ZNF76: variants seen among roughly 807,000 people sequenced by gnomAD.
ZNF76 encodes the protein zinc finger protein 76.
In ZNF76, 66 loss-of-function variants were observed where a neutral mutation model predicts 66.9. That is an observed-to-expected ratio of 0.99 (90% CI 0.81 to 1.21). ZNF76 has a LOEUF of 1.21. Among genes scored for constraint, ZNF76 ranks in the 50% most tolerant of loss-of-function variants. The pLI, the probability that ZNF76 is intolerant of heterozygous loss-of-function variation, is 0.00. For synonymous variants in ZNF76, 275 were observed against 296.1 expected (o/e 0.93, Z 0.73); for missense variants, 729 against 760.3 (o/e 0.96, Z 0.48).
chr6:35,281,859 C>G (rs111744587), intron 2 of ZNF76, among the ~76,000 whole-genome samples: 1,935 of 151,620 alleles, frequency 0.013, 14 homozygotes, highest in African/African-American at 0.022. Flanking sequence ...TCACTGAAAC[C>G]CAGGAGTTTG....
intron 5 of ZNF76, 157 bp from the exon 6 acceptor site, chr6:35,290,109 G>A: frequency 1.1e-6 from 1 of 947,610 alleles, no homozygotes; most frequent in Non-Finnish European, 1.6e-6. Context: ...GCATGCCCCA[G>A]CATCTGTTCC....
At chr6:35,275,299 A>G (rs1787721325) in intron 1 of ZNF76, among the ~76,000 whole-genome samples, 1 of 151,938 alleles carries the variant, frequency 6.6e-6, no homozygotes, top group East Asian at 1.9e-4. Context: ...AGCTCAGGTC[A>G]TTGCAGAGCT....
chr6:35,272,509 G>GTGTGTGTA (rs1357691368), intron 1 of ZNF76, among the ~76,000 whole-genome samples: 20 of 112,378 alleles, frequency 1.8e-4, no homozygotes, highest in African/African-American at 5.8e-4. Context: ...GTGTGTGTGT[G>GTGTGTGTA]TGTATGTATA....
Position 35,290,331 on chromosome 6 carries a change from C to G in ZNF76, c.498C>G (p.Arg166=). The stretch of plus-strand genomic sequence containing the variant: ...AGCAAGTTGGAGACAGAGCATTCCG[C>G]TGTGGCTACAAGGGCTGTGGGCGTC... ...KGQQVGDRAF[R]CGYKGCGRLY... The change falls in exon 6 of 14, where the codon CGC becomes CGG. Residue 166 remains arginine (R), a synonymous_variant. Transcript: ENST00000373953. 6.2e-7 allele frequency: 1 copy of G among 1,614,220 alleles called. No individual in the cohort carries two copies. The highest frequency in any genetic ancestry group is 8.5e-7 in the Non-Finnish European group (1 of 1,180,042).
At position 35,295,153 on chromosome 6, in the gene ZNF76, C is replaced by T. The variant is rs1791018660; in HGVS notation, c.1618C>T (p.Gln540Ter). Residue 540 changes from glutamine to a stop codon, truncating the protein, a stop_gained, in exon 14 of 14, where the codon CAG (glutamine) becomes TAG (stop). Transcript: ENST00000373953. LOFTEE classifies it high-confidence loss of function. Reference protein sequence around the residue: ...GTHIAVQLEEQQTLEEAINVA... With the variant: ...GTHIAVQLEE ...ACCCCCTTCCCCACAGCTGGAGGAA[C>T]AGCAGACCTTAGAGGAGGCCATCAA... 1.9e-6 allele frequency: 3 copies of T among 1,611,704 alleles called. No homozygotes were observed. The highest frequency in any genetic ancestry group is 2.5e-6 in the Non-Finnish European group (3 of 1,178,956).
intron 1 of ZNF76, among the ~76,000 whole-genome samples, chr6:35,268,241 A>G (rs1424335816): frequency 6.6e-6 from 1 of 152,232 alleles, no homozygotes; most frequent in African/African-American, 2.4e-5. Context: ...GTGTTAAGGA[A>G]AACACACTCC....
chr6:35,263,970 C>CT (rs1337643189), intron 1 of ZNF76, among the ~76,000 whole-genome samples: 2 of 152,164 alleles, frequency 1.3e-5, no homozygotes, highest in Admixed American at 6.5e-5. Flanking sequence ...AGACTGATCT[C>CT]TAACTCCTGA....
intron 2 of ZNF76, 38 bp from the exon 3 acceptor site, chr6:35,286,090 G>C: frequency 1.9e-6 from 3 of 1,599,920 alleles, no homozygotes; most frequent in South Asian, 2.2e-5. Context: ...GCCCTCTTCT[G>C]GTCCTGGCCC....
At chr6:35,288,824 T>C (rs1374207039) in intron 5 of ZNF76, among the ~76,000 whole-genome samples, 1 of 151,936 alleles carries the variant, frequency 6.6e-6, no homozygotes, top group Non-Finnish European at 1.5e-5. Flanking sequence ...TAGCTGGGCA[T>C]GGTGGTGCGC....
chr6:35,282,671 C>T lies in ZNF76; in HGVS notation c.73+1447C>T, dbSNP rs532641135. 2.0e-5 allele frequency among the ~76,000 whole-genome samples: 3 copies of T among 152,360 alleles called. 1 individual carries two copies. Among genetic ancestry groups the T allele is most frequent in the South Asian group, 4.1e-4 (2 of 4,826 alleles). On this transcript the variant is annotated intron_variant, in intron 2 of 13. Coordinates refer to ENST00000373953, the MANE Select transcript of ZNF76 (RefSeq NM_003427.5). Reference sequence around the variant, plus strand: ...TGATTGTCACTGTCCTCCTGAAGCACTGTCATTGCAACATTGCCCTCCTTT... The same window carrying T: ...TGATTGTCACTGTCCTCCTGAAGCATTGTCATTGCAACATTGCCCTCCTTT...
intron 4 of ZNF76, 70 bp downstream of exon 4, chr6:35,286,469 G>A: frequency 6.9e-7 from 1 of 1,445,238 alleles, no homozygotes; most frequent in South Asian, 1.1e-5. Flanking sequence ...GGCAGGACTG[G>A]AGGATGGGAT....
chr6:35,276,506 A>G (rs1474758899), intron 1 of ZNF76, among the ~76,000 whole-genome samples: 4 of 152,096 alleles, frequency 2.6e-5, no homozygotes, highest in Non-Finnish European at 5.9e-5. Flanking sequence ...TATTATCCCC[A>G]TTTTCTCAGA....
chr6:35,286,271 C>G (rs1412568492), intron 3 of ZNF76, 51 bp from the exon 4 acceptor site: 1 of 1,612,862 alleles, frequency 6.2e-7, no homozygotes, highest in Admixed American at 1.7e-5. Flanking sequence ...ACCAAGGGAC[C>G]CCTCCATGGC....
chr6:35,262,244 A>G (rs1344120825), intron 1 of ZNF76, among the ~76,000 whole-genome samples: 2 of 94,374 alleles, frequency 2.1e-5, no homozygotes, highest in Non-Finnish European at 4.8e-5. Context: ...GAGTATAGGG[A>G]GGGCACCTCT....
chr6:35,293,193 C>T, intron 11 of ZNF76, 149 bp downstream of exon 11: 1 of 922,054 alleles, frequency 1.1e-6, no homozygotes, highest in South Asian at 1.7e-5. Flanking sequence ...GCTGAGGAGA[C>T]CACATCTTGC....
At chr6:35,285,846 G>A (rs1048433816) in intron 2 of ZNF76, among the ~76,000 whole-genome samples, 36 of 152,314 alleles carry the variant, frequency 2.4e-4, no homozygotes, top group African/African-American at 8.4e-4. Flanking sequence ...TTTCCACTTG[G>A]CTGGGCATGG....
chr6:35,294,365 C>T (rs1790874084), intron 12 of ZNF76, 91 bp from the exon 13 acceptor site: 11 of 895,060 alleles, frequency 1.2e-5, no homozygotes, highest in Non-Finnish European at 2.0e-5. Context: ...CTGGGTTGTT[C>T]CCAGCACCTT....
At chr6:35,273,254 C>G (rs1787399794) in intron 1 of ZNF76, among the ~76,000 whole-genome samples, 1 of 151,598 alleles carries the variant, frequency 6.6e-6, no homozygotes, top group Middle Eastern at 3.4e-3. Context: ...CTCACTGCCA[C>G]CTCCACCTCC....
At chr6:35,288,869 G>A (rs1321812812) in intron 5 of ZNF76, among the ~76,000 whole-genome samples, 4 of 151,696 alleles carry the variant, frequency 2.6e-5, no homozygotes, top group Non-Finnish European at 5.9e-5. Context: ...GCGGAGGTGG[G>A]AGGATCAGGA....
Sources: allele counts gnomAD v4.1 joint callset (sites outside exome capture counted in the v4.1 genomes callset), GRCh38; gene constraint gnomAD v4.1.1; transcripts MANE v1.5; gene names NCBI Gene and HGNC (gene_info 2026-07-23, HGNC 2026-07-21).